Variants in ZCCHC7 observed in about 807,000 individuals in gnomAD.
The protein encoded by ZCCHC7 is zinc finger CCHC domain-containing protein 7.
ZCCHC7 carries 35 observed loss-of-function variants against 52.0 expected under a neutral mutation model. The ratio of observed to expected loss-of-function variants is 0.67; its 90% CI spans 0.51 to 0.89. The LOEUF (loss-of-function observed/expected upper bound fraction) is 0.89, where lower values mean the gene tolerates loss of function less well. ZCCHC7 is among the 40% of genes least tolerant of loss of function. The pLI, the probability that ZCCHC7 is intolerant of heterozygous loss-of-function variation, is 0.00. For synonymous variants in ZCCHC7, 217 were observed against 221.5 expected, an observed-to-expected ratio of 0.98 and a Z score of 0.18; for missense variants, 574 against 649.1, an observed-to-expected ratio of 0.88 and a Z score of 1.26.
At chr9:37,260,011 G>A (rs1826788365) in intron 2 of ZCCHC7, among the ~76,000 whole-genome samples, 1 of 152,126 alleles carries the variant, frequency 6.6e-6, no homozygotes, top group South Asian at 2.1e-4. Flanking sequence ...TTGCAATGTT[G>A]CAGTGGTTTA....
intron 1 of ZCCHC7, 76 bp downstream of exon 1, chr9:37,120,699 T>A: frequency 2.7e-6 from 1 of 373,178 alleles, no homozygotes; most frequent in Admixed American, 4.6e-5. Context: ...CCCGCCGGGC[T>A]GTGGAACTAG....
At chr9:37,241,169 C>T (rs1164310670) in intron 2 of ZCCHC7, among the ~76,000 whole-genome samples, 2 of 151,622 alleles carry the variant, frequency 1.3e-5, no homozygotes, top group African/African-American at 2.4e-5. Context: ...AAGAATTTTG[C>T]TTATAATATG....
intron 6 of ZCCHC7, among the ~76,000 whole-genome samples, chr9:37,337,393 A>AC (rs1830724816): frequency 1.1e-3 from 16 of 15,056 alleles, no homozygotes; most frequent in South Asian, 2.6e-3. Context: ...ACCCCACCCT[A>AC]CCCACCCACC....
At chr9:37,224,883 C>T (rs1171938254) in intron 2 of ZCCHC7, among the ~76,000 whole-genome samples, 1 of 152,166 alleles carries the variant, frequency 6.6e-6, no homozygotes, top group Non-Finnish European at 1.5e-5. Flanking sequence ...TGGAAAGGAG[C>T]AGGTGTAGCG....
At chr9:37,337,982 AC>A (rs1830754996) in intron 6 of ZCCHC7, among the ~76,000 whole-genome samples, 1 of 152,190 alleles carries the variant, frequency 6.6e-6, no homozygotes, top group Admixed American at 6.6e-5. Context: ...ACTTAAACTA[AC>A]ATTTTTGCAT....
chr9:37,163,093 C>T (rs1288356776), intron 2 of ZCCHC7, among the ~76,000 whole-genome samples: 1 of 151,880 alleles, frequency 6.6e-6, no homozygotes, highest in African/African-American at 2.4e-5. Context: ...CCCAGCCACT[C>T]GGGAGGCTGA....
At chr9:37,186,102 G>T (rs1312103284) in intron 2 of ZCCHC7, among the ~76,000 whole-genome samples, 1 of 151,758 alleles carries the variant, frequency 6.6e-6, no homozygotes, top group Non-Finnish European at 1.5e-5. Flanking sequence ...TGGGGTTGGG[G>T]GTGTGTGGAA....
chr9:37,350,686 G>A (rs1189201430), intron 7 of ZCCHC7, among the ~76,000 whole-genome samples: 1 of 152,218 alleles, frequency 6.6e-6, no homozygotes, highest in Non-Finnish European at 1.5e-5. Flanking sequence ...GCTGAGAGCT[G>A]GGCATGAGGC....
intron 5 of ZCCHC7, among the ~76,000 whole-genome samples, chr9:37,325,315 G>A (rs1351780589): frequency 6.6e-6 from 1 of 152,114 alleles, no homozygotes; most frequent in Non-Finnish European, 1.5e-5. Flanking sequence ...AGATCACCAG[G>A]GTAACCAATA....
intron 2 of ZCCHC7, among the ~76,000 whole-genome samples, chr9:37,174,808 T>C (rs1021454080): frequency 2.0e-5 from 3 of 152,128 alleles, no homozygotes; most frequent in African/African-American, 7.2e-5. Context: ...ATGTGCTAGG[T>C]GCTTTATGGG....
rs1821912217 is a variant in ZCCHC7, at chr9:37,174,532, C to G, written c.610+47590C>G. Among the ~76,000 whole-genome samples the G allele has an allele frequency of 2.0e-5, 3 of 152,212 alleles. No individual in the cohort carries two copies. The South Asian group carries it at 6.2e-4, about 32-fold the overall frequency. ...TTTTCATTAAGTAGAAAAGCAGAAT[C>G]TAAAACACTATTATCTCAATAAAGG... On this transcript the variant is annotated intron_variant, in intron 2 of 8. Coordinates refer to ENST00000336755, the MANE Select transcript of ZCCHC7 (RefSeq NM_032226.3).
intron 2 of ZCCHC7, among the ~76,000 whole-genome samples, chr9:37,217,799 A>G (rs929651723): frequency 3.9e-5 from 6 of 152,194 alleles, no homozygotes; most frequent in Admixed American, 2.0e-4. Context: ...AGAGATTGTC[A>G]GGGTTATATT....
At chr9:37,151,020 A>G (rs1388395525) in intron 2 of ZCCHC7, among the ~76,000 whole-genome samples, 1 of 146,014 alleles carries the variant, frequency 6.8e-6, no homozygotes, top group African/African-American at 2.5e-5. Flanking sequence ...GCTGGAGTGC[A>G]GTGGAGCCAT....
chr9:37,194,195 G>A (rs1823166429), intron 2 of ZCCHC7, among the ~76,000 whole-genome samples: 1 of 152,146 alleles, frequency 6.6e-6, no homozygotes, highest in African/African-American at 2.4e-5. Context: ...ATATATTAAA[G>A]AATATTTCTC....
chr9:37,274,823 CTACTT>C (rs773465434), intron 2 of ZCCHC7, among the ~76,000 whole-genome samples: 2 of 151,546 alleles, frequency 1.3e-5, no homozygotes, highest in Non-Finnish European at 2.9e-5. Context: ...GGAATGTAAT[CTACTT>C]TGTTTTTTTT....
At chr9:37,218,982 T>G (rs1209516443) in intron 2 of ZCCHC7, among the ~76,000 whole-genome samples, 1 of 149,386 alleles carries the variant, frequency 6.7e-6, no homozygotes, top group Non-Finnish European at 1.5e-5. Context: ...GATTCTCACT[T>G]GAGCCAGAGA....
In ZCCHC7 at chr9:37,182,774, G is replaced by A. The variant is rs78106187; in HGVS notation, c.610+55832G>A. 7.2e-5 allele frequency among the ~76,000 whole-genome samples: 11 copies of A among 152,340 alleles called. No individual in the cohort carries two copies. In the East Asian group the frequency reaches 1.5e-3, roughly 21 times the overall value. ...GGTTTCAGTATATTCATTTTAGTGT[G>A]AGAGAATGACATCCTTTAAGGTACA... is the stretch of plus-strand genomic sequence containing the variant. On this transcript the variant is annotated intron_variant, in intron 2 of 8. Transcript: ENST00000336755.
At chr9:37,136,927 A>G (rs955636702) in intron 2 of ZCCHC7, among the ~76,000 whole-genome samples, 6 of 152,098 alleles carry the variant, frequency 3.9e-5, no homozygotes, top group African/African-American at 1.4e-4. Context: ...GCCTGGCCCC[A>G]AGTTGCTTTT....
At chr9:37,320,636 A>G (rs1192754616) in intron 5 of ZCCHC7, among the ~76,000 whole-genome samples, 1 of 152,180 alleles carries the variant, frequency 6.6e-6, no homozygotes, top group Non-Finnish European at 1.5e-5. Context: ...TTAACTATAC[A>G]TGTTCTCTAC....
Sources: allele counts gnomAD v4.1 joint callset (sites outside exome capture counted in the v4.1 genomes callset), GRCh38; gene constraint gnomAD v4.1.1; transcripts MANE v1.5; gene names NCBI Gene and HGNC (gene_info 2026-07-23, HGNC 2026-07-21).